The following SLC50A1 variants were observed in gnomAD, a reference collection of about 807,000 sequenced individuals.
SLC50A1 encodes the protein solute carrier family 50 member 1, also known as sugar transporter SWEET1.
Under a neutral mutation model 28.9 loss-of-function variants are expected in SLC50A1, and 22 were observed. The observed-to-expected ratio is 0.76, with a 90% CI of 0.54 to 1.09. The LOEUF (loss-of-function observed/expected upper bound fraction) is 1.09. Among genes scored for constraint, SLC50A1 ranks in the 50% least tolerant of loss-of-function variants. The pLI is 0.00. For missense variants in SLC50A1, 233 were observed against 273.4 expected, an observed-to-expected ratio of 0.85 and a Z score of 1.04; for synonymous variants, 96 against 110.6, an observed-to-expected ratio of 0.87 and a Z score of 0.83.
rs569969900 is a variant in SLC50A1 at position 155,136,396 on chromosome 1, G to T, written c.158+20G>T. On this transcript the variant is annotated intron_variant, in intron 2 of 5. Transcript: ENST00000368404. Reference sequence around the variant, plus strand: ...AGTCAAGTGAGGGGCCGACGGCTGCGGTAGTGGGAAAGGCTACCAGAGGGA... The same window carrying T: ...AGTCAAGTGAGGGGCCGACGGCTGCTGTAGTGGGAAAGGCTACCAGAGGGA... 1.9e-6 allele frequency: 3 copies of T among 1,607,514 alleles called. No individual in the cohort carries two copies. Among genetic ancestry groups the T allele is most frequent in the Non-Finnish European group, 1.7e-6 (2 of 1,176,312 alleles).
chr1:155,137,389 G>A lies in SLC50A1; in HGVS notation c.283-172G>A, dbSNP rs183463046. The stretch of plus-strand genomic sequence containing the variant: ...CCCAGAAGTCTCCAGTGTTGTGGGT[G>A]GATAAGACTTTCCTATCAAGTTGGT... On this transcript the variant is annotated intron_variant, in intron 3 of 5. Transcript: ENST00000368404. 2.6e-3 allele frequency among the ~76,000 whole-genome samples: 390 copies of A among 152,316 alleles called. 2 individuals carry two copies. The highest frequency in any genetic ancestry group is 4.2e-3 in the Non-Finnish European group (287 of 68,024).
rs141021704 is a variant in SLC50A1 at position 155,135,941 on chromosome 1, C to T, written c.30C>T (p.Leu10=). ...AGGCGGGCGGCTTTCTGGACTCGCT[C>T]ATTTACGGAGCATGCGTGGTCTTCA... MEAGGFLDS[L]IYGACVVFTL... is the part of the protein sequence containing the mutation. The change falls in exon 1 of 6, where the codon CTC becomes CTT. Residue 10 remains leucine, a synonymous_variant. Transcript: ENST00000368404. 1.1e-5 allele frequency: 18 copies of T among 1,614,088 alleles called. No individual in the cohort carries two copies. Among genetic ancestry groups the T allele is most frequent in the African/African-American group, 6.7e-5 (5 of 75,056 alleles).
rs200952004 is a variant in SLC50A1 at position 155,136,401 on chromosome 1, T to G, written c.158+25T>G. The G allele has an allele frequency of 9.2e-5, 147 of 1,598,130 alleles. 1 individual carries two copies. In the African/African-American group the frequency reaches 1.9e-3, roughly 21 times the overall value. On this transcript the variant is annotated intron_variant, in intron 2 of 5. Coordinates refer to ENST00000368404, the MANE Select transcript of SLC50A1 (RefSeq NM_018845.4). ...AGTGAGGGGCCGACGGCTGCGGTAGTGGGAAAGGCTACCAGAGGGAGGTGG... is the reference window on the plus strand; with the variant it reads ...AGTGAGGGGCCGACGGCTGCGGTAGGGGGAAAGGCTACCAGAGGGAGGTGG...
At chr1:155,136,447 G>C in intron 2 of SLC50A1, 71 bp downstream of exon 2, 1 of 1,457,134 alleles carries the variant, frequency 6.9e-7, no homozygotes, top group Non-Finnish European at 9.5e-7. Context: ...GGAGGAGCAA[G>C]AGTGAAAGAG....
chr1:155,136,629 G>C, intron 2 of SLC50A1, 199 bp from the exon 3 acceptor site: 1 of 810,108 alleles, frequency 1.2e-6, no homozygotes, highest in Non-Finnish European at 1.9e-6. Context: ...TGTAGTCCCA[G>C]CTACTCGGGA....
chr1:155,136,168 GATAGCT>G, intron 1 of SLC50A1, 125 bp from the exon 2 acceptor site: 1 of 406,608 alleles, frequency 2.5e-6, no homozygotes, highest in Non-Finnish European at 4.5e-6. Context: ...GAGAAGGCAG[GATAGCT>G]GGCGGGGGGG....
chr1:155,135,864 C>T lies in SLC50A1; in HGVS notation c.-48C>T. Reference sequence around the variant, plus strand: ...TCTGGGCTGCAGTAGGTCCCGGCAACCGCAGGCTCGCGGCGGGCGCTGGGC... The same window carrying T: ...TCTGGGCTGCAGTAGGTCCCGGCAATCGCAGGCTCGCGGCGGGCGCTGGGC... On this transcript the variant is annotated 5_prime_UTR_variant, in exon 1 of 6. Coordinates refer to ENST00000368404, the MANE Select transcript of SLC50A1 (RefSeq NM_018845.4). 6.2e-7 allele frequency: 1 copy of T among 1,611,582 alleles called. No individual in the cohort carries two copies. Among genetic ancestry groups the T allele is most frequent in the South Asian group, 1.1e-5 (1 of 90,820 alleles).
chr1:155,137,043 C>G (rs530858458), intron 3 of SLC50A1, 92 bp downstream of exon 3: 1 of 1,523,052 alleles, frequency 6.6e-7, no homozygotes, highest in African/African-American at 1.4e-5. Flanking sequence ...TAACAGCTGG[C>G]ACTGCCACCT....
At chr1:155,135,740 GTCGGAGGGAGGGTGGGGCT>G, upstream of SLC50A1, 1 of 1,549,452 alleles carries the variant, frequency 6.5e-7, no homozygotes, top group Non-Finnish European at 8.7e-7. Flanking sequence ...CCGGTTCGGC[GTCGGAGGGAGGGTGGGGCT>G]TCGGCGCAGT....
Position 155,138,388 on chromosome 1 carries a change from G to A in SLC50A1, c.*107G>A. On this transcript the variant is annotated 3_prime_UTR_variant, in exon 6 of 6. Transcript: ENST00000368404. The stretch of plus-strand genomic sequence containing the variant: ...GCTTCCCAGGTGCAGTGGGTTGTGG[G>A]AACAAGAGATGACTTTGAGGATAAA... The A allele has an allele frequency of 1.0e-6, 1 of 1,003,282 alleles. No individual in the cohort carries two copies. Among genetic ancestry groups the A allele is most frequent in the Non-Finnish European group, 1.5e-6 (1 of 662,040 alleles). 62.1% of individuals were successfully genotyped at this position (1,003,282 alleles called of 1,614,324 possible). A position where few individuals can be genotyped will look rare whatever the true frequency, so the allele number is the denominator to read the frequency against.
rs1379202136 is a variant in SLC50A1 at position 155,135,897 on chromosome 1, C to T, written c.-15C>T. The T allele has an allele frequency of 6.2e-7, 1 of 1,612,714 alleles. No individual in the cohort carries two copies. Among genetic ancestry groups the T allele is most frequent in the Non-Finnish European group, 8.5e-7 (1 of 1,179,628 alleles). On this transcript the variant is annotated 5_prime_UTR_variant, in exon 1 of 6. Coordinates refer to ENST00000368404, the MANE Select transcript of SLC50A1 (RefSeq NM_018845.4). ...TCGCGGCGGGCGCTGGGCGCGGGAT[C>T]CGACTCTAGTCGTAATGGAGGCGGG...
chr1:155,135,688 C>G, upstream of SLC50A1: 1 of 1,550,262 alleles, frequency 6.5e-7, no homozygotes. Flanking sequence ...GAGGTCTGGA[C>G]CAGGGTACTG....
At chr1:155,135,749 A>C, upstream of SLC50A1, 1 of 1,548,908 alleles carries the variant, frequency 6.5e-7, no homozygotes, top group Non-Finnish European at 8.7e-7. Flanking sequence ...CGTCGGAGGG[A>C]GGGTGGGGCT....
chr1:155,135,613 A>G, upstream of SLC50A1: 7 of 1,550,238 alleles, frequency 4.5e-6, no homozygotes, highest in Non-Finnish European at 6.1e-6. Context: ...GCAGAGTGTG[A>G]GCAGCGGCAG....
At chr1:155,135,618 C>T (rs756715531), upstream of SLC50A1, 15 of 1,550,180 alleles carry the variant, frequency 9.7e-6, no homozygotes, top group Non-Finnish European at 1.1e-5. Context: ...GTGTGAGCAG[C>T]GGCAGGTATC....
In SLC50A1 at chr1:155,138,038, C is replaced by T. The variant is rs1664599783; in HGVS notation, c.504C>T (p.Thr168=). 3.1e-6 allele frequency: 5 copies of T among 1,614,134 alleles called. No homozygotes were observed. Among genetic ancestry groups the T allele is most frequent in the Non-Finnish European group, 4.2e-6 (5 of 1,180,026 alleles). ...TCTCCTACCCACTCACCATTGCTAC[C>T]CTTCTCACCTCTGCCTCCTGGTGCC... ...QCLSYPLTIA[T]LLTSASWCLY... The change falls in exon 5 of 6, where the codon ACC becomes ACT. Residue 168 remains threonine, a synonymous_variant. Coordinates refer to ENST00000368404, the MANE Select transcript of SLC50A1 (RefSeq NM_018845.4).
upstream of SLC50A1, chr1:155,135,850 G>A: frequency 1.2e-6 from 2 of 1,608,156 alleles, no homozygotes; most frequent in South Asian, 2.2e-5. Context: ...CTGGGCTGCA[G>A]TAGGTCCCGG....
chr1:155,137,920 A>C, intron 4 of SLC50A1, 59 bp from the exon 5 acceptor site: 1 of 1,611,418 alleles, frequency 6.2e-7, no homozygotes, highest in East Asian at 2.2e-5. Context: ...GGAAATTCTT[A>C]GGCAAGTGAA....
rs894208592 is a variant in SLC50A1 at position 155,135,858 on chromosome 1, C to T, written c.-54C>T. Reference sequence around the variant, plus strand: ...CGCAGGTCTGGGCTGCAGTAGGTCCCGGCAACCGCAGGCTCGCGGCGGGCG... The same window carrying T: ...CGCAGGTCTGGGCTGCAGTAGGTCCTGGCAACCGCAGGCTCGCGGCGGGCG... On this transcript the variant is annotated 5_prime_UTR_variant, in exon 1 of 6. Coordinates refer to ENST00000368404, the MANE Select transcript of SLC50A1 (RefSeq NM_018845.4). 2.9e-5 allele frequency: 47 copies of T among 1,610,336 alleles called. No individual in the cohort carries two copies. The highest frequency in any genetic ancestry group is 3.9e-5 in the Non-Finnish European group (46 of 1,178,522).
Sources: allele counts gnomAD v4.1 joint callset (sites outside exome capture counted in the v4.1 genomes callset), GRCh38; gene constraint gnomAD v4.1.1; transcripts MANE v1.5; gene names NCBI Gene and HGNC (gene_info 2026-07-23, HGNC 2026-07-21).